Variants in UVRAG observed in about 807,000 individuals in gnomAD.
The protein encoded by UVRAG is UV radiation resistance-associated gene protein.
In UVRAG, 19 loss-of-function variants were observed where a neutral mutation model predicts 78.0. The ratio of observed to expected loss-of-function variants is 0.24; its 90% CI spans 0.17 to 0.36. UVRAG has a LOEUF of 0.36. Ranked by LOEUF, UVRAG falls within the 10% of genes least tolerant of loss-of-function variation. The probability of loss-of-function intolerance (pLI) is 1.00; values close to 1 mark genes in which losing one functional copy is unlikely to be tolerated. For missense variants in UVRAG, 740 were observed against 853.8 expected (o/e 0.87, Z 1.66); for synonymous variants, 323 against 324.6 (o/e 1.00, Z 0.05).
chr11:76,095,870 C>CA (rs747792893), intron 13 of UVRAG, among the ~76,000 whole-genome samples: 6,998 of 44,736 alleles, frequency 0.16, 598 homozygotes, highest in African/African-American at 0.27. Flanking sequence ...GACTCTGTCT[C>CA]AAAAAAAAAA....
chr11:75,981,326 G>T (rs1452217258), intron 7 of UVRAG, among the ~76,000 whole-genome samples: 1 of 151,994 alleles, frequency 6.6e-6, no homozygotes, highest in Non-Finnish European at 1.5e-5. Flanking sequence ...TGGCCAGGCT[G>T]GTCTCAAACT....
intron 7 of UVRAG, among the ~76,000 whole-genome samples, chr11:75,966,512 A>G (rs1326957625): frequency 1.3e-5 from 2 of 152,132 alleles, no homozygotes; most frequent in Non-Finnish European, 2.9e-5. Context: ...TTTATTCACT[A>G]TAAGAATATT....
intron 2 of UVRAG, 117 bp from the exon 3 acceptor site, chr11:75,861,629 T>A (rs1946424295): frequency 1.5e-6 from 1 of 676,116 alleles, no homozygotes. Flanking sequence ...ATAAATCCCT[T>A]GAAAATATTT....
chr11:76,099,094 T>G (rs1473314545), intron 13 of UVRAG, among the ~76,000 whole-genome samples: 1 of 152,122 alleles, frequency 6.6e-6, no homozygotes, highest in East Asian at 1.9e-4. Flanking sequence ...TCCTAACACC[T>G]CAAGAAAGCT....
At chr11:75,876,931 G>A (rs1946794941) in intron 3 of UVRAG, among the ~76,000 whole-genome samples, 1 of 151,398 alleles carries the variant, frequency 6.6e-6, no homozygotes, top group African/African-American at 2.4e-5. Context: ...CAATAGTGGA[G>A]GGAAGGTCAG....
At position 76,142,721 on chromosome 11, in the gene UVRAG, A is replaced by C. The variant is rs191700945; in HGVS notation, c.*1308A>C. ...CTACGTCTCCATATGTCACATCATG[A>C]CAGGACTAGCCTGAACAAAAGCCAT... is the stretch of plus-strand genomic sequence containing the variant. On this transcript the variant is annotated 3_prime_UTR_variant, in exon 15 of 15. Transcript: ENST00000356136. The C allele has an allele frequency of 6.6e-6, 1 of 152,312 alleles. No homozygotes were observed. The highest frequency in any genetic ancestry group is 1.9e-4 in the East Asian group (1 of 5,180). The allele number at this position is 152,312 out of a possible 1,614,324, so 9.4% of individuals were successfully genotyped here.
At chr11:75,910,510 A>C (rs1296860223) in intron 5 of UVRAG, among the ~76,000 whole-genome samples, 2 of 143,986 alleles carry the variant, frequency 1.4e-5, no homozygotes, top group Non-Finnish European at 3.0e-5. Flanking sequence ...TTTTTTTTTT[A>C]AGAAACATGA....
chr11:76,049,608 G>A (rs1327269081), intron 12 of UVRAG, among the ~76,000 whole-genome samples: 1 of 152,194 alleles, frequency 6.6e-6, no homozygotes, highest in Admixed American at 6.5e-5. Context: ...AGAATAAAAA[G>A]CAGAGGCTTA....
chr11:76,076,842 G>A (rs1426895821), intron 13 of UVRAG, among the ~76,000 whole-genome samples: 2 of 125,042 alleles, frequency 1.6e-5, no homozygotes, highest in African/African-American at 4.1e-5. Context: ...ATTAGAGGCA[G>A]ATGACAAGAC....
chr11:75,892,584 C>T (rs1040876299), intron 5 of UVRAG, among the ~76,000 whole-genome samples: 1 of 152,100 alleles, frequency 6.6e-6, no homozygotes, highest in African/African-American at 2.4e-5. Context: ...AGCAGAGCTG[C>T]GATTCAAAAG....
At chr11:75,928,801 G>A (rs1245642371) in intron 6 of UVRAG, among the ~76,000 whole-genome samples, 1 of 151,704 alleles carries the variant, frequency 6.6e-6, no homozygotes, top group Non-Finnish European at 1.5e-5. Context: ...AATTTGCCGG[G>A]CATGGTGGTG....
chr11:75,939,595 C>G (rs1484282045), intron 6 of UVRAG, among the ~76,000 whole-genome samples: 1 of 151,940 alleles, frequency 6.6e-6, no homozygotes, highest in East Asian at 1.9e-4. Context: ...ACATACACAC[C>G]CTTTGTAACT....
chr11:75,829,908 C>T (rs568895212), intron 1 of UVRAG, among the ~76,000 whole-genome samples: 19 of 152,210 alleles, frequency 1.2e-4, no homozygotes, highest in African/African-American at 4.1e-4. Flanking sequence ...GGCACAATCT[C>T]GGCTCACTGC....
chr11:75,887,026 C>T (rs1232680073), intron 4 of UVRAG, among the ~76,000 whole-genome samples: 7 of 150,582 alleles, frequency 4.6e-5, no homozygotes, highest in East Asian at 1.9e-4. Flanking sequence ...AGTGCAGTGG[C>T]GTGATCTCGG....
rs551251738 is a variant in UVRAG at position 76,007,685 on chromosome 11, C to A, written c.999+64C>A. On this transcript the variant is annotated intron_variant, in intron 10 of 14. Transcript: ENST00000356136. ...AAAGATGATTTCTGTATGACATTTC[C>A]TCTCAATGAAAAAACTCATTGCTTT... 1.4e-5 allele frequency: 18 copies of A among 1,311,406 alleles called. No individual in the cohort carries two copies. In the South Asian group the frequency reaches 2.2e-4, roughly 16 times the overall value. 81.2% of individuals were successfully genotyped at this position (1,311,406 alleles called of 1,614,324 possible). A position where few individuals can be genotyped will look rare whatever the true frequency, so the allele number is the denominator to read the frequency against.
intron 1 of UVRAG, among the ~76,000 whole-genome samples, chr11:75,828,695 GTGTATATATATATA>G (rs1298968645): frequency 1.9e-5 from 1 of 53,816 alleles, no homozygotes; most frequent in Non-Finnish European, 5.5e-5. Flanking sequence ...ATACATGTGT[GTGTATATATATATA>G]TGTGTATATA....
rs1442126823 is a variant in UVRAG, at chr11:76,140,787, T to C, written c.1474T>C (p.Phe492Leu). The C allele has an allele frequency of 1.2e-6, 2 of 1,614,014 alleles. No homozygotes were observed. The highest frequency in any genetic ancestry group is 1.7e-6 in the Non-Finnish European group (2 of 1,179,980). ...SSIFGGADVG[F>L]SGGIPSPDKG... ...CATATTTGGGGGTGCAGATGTAGGC[T>C]TCTCTGGGGGGATCCCTTCACCAGA... Residue 492 changes from phenylalanine to leucine, a missense_variant, in exon 15 of 15, where the codon TTC (phenylalanine) becomes CTC (leucine). Phe to Leu is a conservative substitution (Grantham distance 22). Transcript: ENST00000356136.
At chr11:76,109,514 G>A (rs191865035) in intron 13 of UVRAG, among the ~76,000 whole-genome samples, 1 of 152,244 alleles carries the variant, frequency 6.6e-6, no homozygotes, top group African/African-American at 2.4e-5. Flanking sequence ...AATATTGTTG[G>A]TCCTGTTTAT....
intron 3 of UVRAG, among the ~76,000 whole-genome samples, chr11:75,872,313 C>G (rs1488792244): frequency 6.6e-6 from 1 of 151,464 alleles, no homozygotes; most frequent in Non-Finnish European, 1.5e-5. Context: ...CTGCCTGGGA[C>G]ATAAGGCTCC....
Sources: allele counts gnomAD v4.1 joint callset (sites outside exome capture counted in the v4.1 genomes callset), GRCh38; gene constraint gnomAD v4.1.1; transcripts MANE v1.5; gene names NCBI Gene and HGNC (gene_info 2026-07-23, HGNC 2026-07-21).